KAZN: variants seen among roughly 807,000 people sequenced by gnomAD.
KAZN encodes kazrin, periplakin interacting protein.
A neutral mutation model predicts 87.4 loss-of-function variants in KAZN; 40 were observed. The ratio of observed to expected loss-of-function variants is 0.46; its 90% CI spans 0.36 to 0.60. KAZN has a LOEUF of 0.60. Among genes scored for constraint, KAZN ranks in the 20% least tolerant of loss-of-function variants. The pLI is 0.00. For missense variants in KAZN, 898 were observed against 1,073.9 expected, an observed-to-expected ratio of 0.84 and a Z score of 2.29; for synonymous variants, 466 against 458.3, an observed-to-expected ratio of 1.02 and a Z score of -0.22.
chr1:15,117,133 G>T lies in KAZN; in HGVS notation c.*2498G>T, dbSNP rs1470364953. Reference sequence around the variant, plus strand: ...CCTGAAACGTCAACTCTGCTTCAAGGTCGGCAAGAAGAACAGAAGGCGGAG... The same window carrying T: ...CCTGAAACGTCAACTCTGCTTCAAGTTCGGCAAGAAGAACAGAAGGCGGAG... On this transcript the variant is annotated 3_prime_UTR_variant, in exon 15 of 15. Coordinates refer to ENST00000376030, the MANE Select transcript of KAZN (RefSeq NM_201628.3). The T allele has an allele frequency of 6.6e-6, 1 of 152,248 alleles. No homozygotes were observed. Among genetic ancestry groups the T allele is most frequent in the Non-Finnish European group, 1.5e-5 (1 of 68,088 alleles). The allele number at this position is 152,248 out of a possible 1,614,324, so 9.4% of individuals were successfully genotyped here. A position where few individuals can be genotyped will look rare whatever the true frequency, so the allele number is the denominator to read the frequency against.
At chr1:15,097,470 C>G (rs1160455535) in intron 10 of KAZN, among the ~76,000 whole-genome samples, 1 of 152,130 alleles carries the variant, frequency 6.6e-6, no homozygotes, top group Non-Finnish European at 1.5e-5. Context: ...TTATGGATAT[C>G]ATTTTATTTA....
At chr1:14,262,749 G>T (rs1651176769) in intron 2 of KAZN, among the ~76,000 whole-genome samples, 1 of 152,162 alleles carries the variant, frequency 6.6e-6, no homozygotes, top group African/African-American at 2.4e-5. Context: ...CATTTCTCCA[G>T]CTATCTCCTG....
intron 2 of KAZN, among the ~76,000 whole-genome samples, chr1:14,561,637 C>T (rs1323761047): frequency 1.3e-5 from 2 of 152,094 alleles, no homozygotes; most frequent in African/African-American, 2.4e-5. Context: ...CGCAGTGGCT[C>T]GCACCTGTAA....
At chr1:14,202,519 G>A (rs1418380302) in intron 2 of KAZN, among the ~76,000 whole-genome samples, 2 of 152,172 alleles carry the variant, frequency 1.3e-5, no homozygotes, top group Admixed American at 6.5e-5. Flanking sequence ...CAGGGATGGT[G>A]TGGGGAGAAC....
At chr1:15,013,062 G>A (rs1225383807) in intron 2 of KAZN, among the ~76,000 whole-genome samples, 22 of 152,202 alleles carry the variant, frequency 1.4e-4, no homozygotes, top group Admixed American at 1.4e-3. Flanking sequence ...GCTAAGCTCA[G>A]GCAATGCTGA....
At chr1:14,798,697 G>A (rs1465510663) in intron 1 of KAZN, among the ~76,000 whole-genome samples, 2 of 151,812 alleles carry the variant, frequency 1.3e-5, no homozygotes, top group Non-Finnish European at 2.9e-5. Flanking sequence ...GCCTCCCAGA[G>A]TGCTGGGATT....
chr1:14,844,113 C>T lies in KAZN; in HGVS notation c.227-116571C>T, dbSNP rs192082906. Among the ~76,000 whole-genome samples the T allele has an allele frequency of 3.9e-5, 6 of 152,252 alleles. No homozygotes were observed. In the East Asian group the frequency reaches 1.2e-3, roughly 29 times the overall value. On this transcript the variant is annotated intron_variant, in intron 1 of 14. Transcript: ENST00000376030. The stretch of plus-strand genomic sequence containing the variant: ...ATGTATGCTTTGAGCTCTCATTAGC[C>T]ACCCTTTGACATCTAGTCCAGACTG...
intron 1 of KAZN, among the ~76,000 whole-genome samples, chr1:14,056,058 C>T (rs1642541239): frequency 6.6e-6 from 1 of 152,186 alleles, no homozygotes; most frequent in African/African-American, 2.4e-5. Context: ...TCTACCTCCT[C>T]CCTGGCTTCA....
Position 15,094,667 on chromosome 1 carries a change from T to C in KAZN, c.1429-148T>C. 1 of 652,140 alleles carries C rather than the reference T, an allele frequency of 1.5e-6. No homozygotes were observed. Among genetic ancestry groups the C allele is most frequent in the Non-Finnish European group, 2.6e-6 (1 of 380,874 alleles). 40.4% of individuals were successfully genotyped at this position (652,140 alleles called of 1,614,324 possible). ...ACAGGGATTCCGCCCCACATCAGAGTTGCAGAGGTTTCCATGTGCCCTGAC... is the reference window on the plus strand; with the variant it reads ...ACAGGGATTCCGCCCCACATCAGAGCTGCAGAGGTTTCCATGTGCCCTGAC... On this transcript the variant is annotated intron_variant, in intron 9 of 14. Transcript: ENST00000376030. This position sits in a 1 kb window ranked among gnomAD's most constrained non-coding sequence, Gnocchi z 4.5.
At chr1:14,741,668 C>A (rs1644103195) in intron 1 of KAZN, among the ~76,000 whole-genome samples, 1 of 152,190 alleles carries the variant, frequency 6.6e-6, no homozygotes, top group Non-Finnish European at 1.5e-5. Flanking sequence ...AGAAGGGGCA[C>A]TTCCCCCCGG....
At chr1:13,960,854 C>T (rs1178746590) in intron 1 of KAZN, among the ~76,000 whole-genome samples, 2 of 152,148 alleles carry the variant, frequency 1.3e-5, no homozygotes, top group East Asian at 3.9e-4. Flanking sequence ...CCTGGGGCTT[C>T]AGGACCTGGG....
intron 2 of KAZN, among the ~76,000 whole-genome samples, chr1:14,524,377 CAG>C (rs745404661): frequency 5.9e-5 from 9 of 152,046 alleles, no homozygotes; most frequent in Non-Finnish European, 8.8e-5. Flanking sequence ...GAGGCAGGGT[CAG>C]GGGTCTGGAG....
intron 1 of KAZN, among the ~76,000 whole-genome samples, chr1:14,760,552 C>T (rs1051453141): frequency 6.6e-6 from 1 of 152,204 alleles, no homozygotes; most frequent in East Asian, 1.9e-4. Context: ...TCTCCTTCGT[C>T]CCCTCCTGCC....
rs535330345 is a variant in KAZN at position 14,272,303 on chromosome 1, G to A, written c.249+91711G>A. ...AGCCAGGATATATTCTCCTCCTGGCGATGGCAGAAGTTCAAGAAATGCAAA... is the reference window on the plus strand; with the variant it reads ...AGCCAGGATATATTCTCCTCCTGGCAATGGCAGAAGTTCAAGAAATGCAAA... On this transcript the variant is annotated intron_variant, in intron 2 of 16. Transcript: ENST00000636203. Among the ~76,000 whole-genome samples, 107 of 152,214 alleles carry A rather than the reference G, an allele frequency of 7.0e-4. 2 individuals carry two copies. In the South Asian group the frequency reaches 0.021, roughly 30 times the overall value.
At chr1:15,032,684 C>T (rs1194521969) in intron 2 of KAZN, among the ~76,000 whole-genome samples, 2 of 152,038 alleles carry the variant, frequency 1.3e-5, no homozygotes, top group East Asian at 1.9e-4. Flanking sequence ...CACTGTGGCT[C>T]ATGCCTGTAA....
Position 14,868,916 on chromosome 1 carries a change from G to A in KAZN, c.227-91768G>A, listed in dbSNP as rs191215132. Among the ~76,000 whole-genome samples the A allele has an allele frequency of 4.1e-3, 620 of 152,192 alleles. 4 individuals are homozygous for A. Among genetic ancestry groups the A allele is most frequent in the Non-Finnish European group, 6.8e-3 (465 of 68,004 alleles). Reference sequence around the variant, plus strand: ...GGGGCCAAGATAAGAGAACTGAATCGGGGTTGGCGGGGGGGTGCATCTGTT... The same window carrying A: ...GGGGCCAAGATAAGAGAACTGAATCAGGGTTGGCGGGGGGGTGCATCTGTT... On this transcript the variant is annotated intron_variant, in intron 1 of 14. Coordinates refer to ENST00000376030, the MANE Select transcript of KAZN (RefSeq NM_201628.3).
At chr1:15,038,420 A>G (rs1672553300) in intron 3 of KAZN, among the ~76,000 whole-genome samples, 1 of 152,250 alleles carries the variant, frequency 6.6e-6, no homozygotes, top group Admixed American at 6.5e-5. Flanking sequence ...TATTACCTAT[A>G]GCAAATGTTT....
At chr1:13,986,272 A>G (rs762896498) in intron 1 of KAZN, among the ~76,000 whole-genome samples, 3 of 152,232 alleles carry the variant, frequency 2.0e-5, no homozygotes. Flanking sequence ...ACAAATTTGC[A>G]TTAGGAACAA....
At chr1:14,983,381 A>G (rs558181947) in intron 2 of KAZN, among the ~76,000 whole-genome samples, 9 of 152,274 alleles carry the variant, frequency 5.9e-5, no homozygotes, top group Admixed American at 5.9e-4. Context: ...CGCAAATTAA[A>G]ACAACCCTGA....
Sources: allele counts gnomAD v4.1 joint callset (sites outside exome capture counted in the v4.1 genomes callset), GRCh38; gene constraint gnomAD v4.1.1; non-coding constraint Gnocchi (gnomAD v3.1); transcripts MANE v1.5; gene names NCBI Gene and HGNC (gene_info 2026-07-23, HGNC 2026-07-21).